Variants in UNC79 observed in about 807,000 individuals in gnomAD.
The protein encoded by UNC79 is protein unc-79 homolog.
In UNC79, 37 loss-of-function variants were observed where a neutral mutation model predicts 283.1. The ratio of observed to expected loss-of-function variants is 0.13; its 90% CI spans 0.10 to 0.17. The LOEUF (loss-of-function observed/expected upper bound fraction) is 0.17. UNC79 is among the 10% of genes least tolerant of loss of function. UNC79 has a pLI of 1.00. For missense variants in UNC79, 2,272 were observed against 3,211.1 expected, an observed-to-expected ratio of 0.71 and a Z score of 7.07; for synonymous variants, 1,107 against 1,200.2, an observed-to-expected ratio of 0.92 and a Z score of 1.61.
At chr14:93,689,484 TTTC>T (rs1432582761) in intron 44 of UNC79, 1 of 136,934 alleles carries the variant, frequency 7.3e-6, no homozygotes, top group East Asian at 2.3e-4. Flanking sequence ...AGAGAAGAAA[TTTC>T]TTTTTTTTTT....
intron 1 of UNC79, among the ~76,000 whole-genome samples, chr14:93,359,587 T>C (rs1235376452): frequency 6.6e-6 from 1 of 152,198 alleles, no homozygotes; most frequent in African/African-American, 2.4e-5. Context: ...ACAATTAGAA[T>C]AGTCTGACTC....
intron 26 of UNC79, among the ~76,000 whole-genome samples, chr14:93,607,097 G>A (rs566931373): frequency 6.6e-6 from 1 of 152,256 alleles, no homozygotes; most frequent in African/African-American, 2.4e-5. Flanking sequence ...ACTACAATTT[G>A]TATGATTAGA....
intron 14 of UNC79, among the ~76,000 whole-genome samples, chr14:93,549,912 C>G (rs2061785625): frequency 6.6e-6 from 1 of 152,228 alleles, no homozygotes; most frequent in African/African-American, 2.4e-5. Context: ...TGTAAGAAGA[C>G]AGCTTTAGGC....
At position 93,609,634 on chromosome 14, in the gene UNC79, A is replaced by C. The variant is rs376583815; in HGVS notation, c.3755-3163A>C. 4.5e-4 allele frequency among the ~76,000 whole-genome samples: 68 copies of C among 152,340 alleles called. No individual in the cohort carries two copies. In the East Asian group the frequency reaches 0.012, roughly 27 times the overall value. On this transcript the variant is annotated intron_variant, in intron 26 of 48. Coordinates refer to ENST00000555664, the Ensembl canonical transcript of UNC79. ...TCACAGACTAGAATTCAATACTATT[A>C]AGTGTTTTGTTTTCTTAGAGAAAAT...
intron 7 of UNC79, among the ~76,000 whole-genome samples, chr14:93,505,905 A>C (rs1448798501): frequency 6.6e-6 from 1 of 151,796 alleles, no homozygotes; most frequent in Non-Finnish European, 1.5e-5. Context: ...TTGCTGCGTA[A>C]AGTGGCAGAA....
In UNC79 at chr14:93,527,817, T is replaced by A. The variant is rs550655849; in HGVS notation, c.964-741T>A. ...GCAAAGTACAAAATGCAGTTAGTTA[T>A]CTAGATTTTTTGTTCATTTGATTTA... On this transcript the variant is annotated intron_variant, in intron 8 of 48. Coordinates refer to ENST00000555664, the Ensembl canonical transcript of UNC79. Among the ~76,000 whole-genome samples the A allele has an allele frequency of 2.6e-5, 4 of 152,306 alleles. No homozygotes were observed. In the South Asian group the frequency reaches 8.3e-4, roughly 32 times the overall value.
At chr14:93,619,487 A>AT (rs1222599533) in intron 29 of UNC79, among the ~76,000 whole-genome samples, 1 of 152,220 alleles carries the variant, frequency 6.6e-6, no homozygotes, top group Non-Finnish European at 1.5e-5. Flanking sequence ...TTCAAAGGAT[A>AT]TTTTTCCAAA....
chr14:93,662,347 GT>G (rs1487809261), intron 39 of UNC79, among the ~76,000 whole-genome samples: 2 of 152,178 alleles, frequency 1.3e-5, no homozygotes, highest in Non-Finnish European at 2.9e-5. Flanking sequence ...AGTAAGGAAG[GT>G]TTGTAAATGA....
At chr14:93,366,374 G>T (rs959819852) in intron 1 of UNC79, among the ~76,000 whole-genome samples, 1 of 152,124 alleles carries the variant, frequency 6.6e-6, no homozygotes, top group Non-Finnish European at 1.5e-5. Context: ...ATGGCTCTCA[G>T]GTTCTTAATG....
chr14:93,399,999 CTTTA>C (rs2055074761), intron 1 of UNC79, among the ~76,000 whole-genome samples: 2 of 152,120 alleles, frequency 1.3e-5, no homozygotes, highest in African/African-American at 4.8e-5. Context: ...GTTTTAGGGA[CTTTA>C]GAAGCAGAGT....
At chr14:93,447,599 C>T (rs935143044) in intron 1 of UNC79, among the ~76,000 whole-genome samples, 7 of 151,484 alleles carry the variant, frequency 4.6e-5, no homozygotes, top group Admixed American at 4.6e-4. Flanking sequence ...TCTGAGGACT[C>T]AAGTTTCTAT....
intron 5 of UNC79, among the ~76,000 whole-genome samples, chr14:93,489,261 A>G (rs768590522): frequency 6.6e-6 from 1 of 152,216 alleles, no homozygotes; most frequent in Non-Finnish European, 1.5e-5. Context: ...GAGAGGACAC[A>G]AGCATTTAGT....
intron 40 of UNC79, among the ~76,000 whole-genome samples, chr14:93,664,660 G>A (rs779989986): frequency 5.3e-5 from 8 of 152,296 alleles, no homozygotes; most frequent in Non-Finnish European, 8.8e-5. Context: ...GGAACTGGGA[G>A]AAAGATTTAT....
At chr14:93,407,089 G>A (rs1411407618) in intron 1 of UNC79, among the ~76,000 whole-genome samples, 2 of 152,078 alleles carry the variant, frequency 1.3e-5, no homozygotes, top group Admixed American at 1.3e-4. Flanking sequence ...TCCTGTGTGT[G>A]TCTCTGCATC....
At chr14:93,485,713 A>G (rs2058383013) in intron 4 of UNC79, among the ~76,000 whole-genome samples, 1 of 152,200 alleles carries the variant, frequency 6.6e-6, no homozygotes, top group Non-Finnish European at 1.5e-5. Flanking sequence ...ATTTATTAAT[A>G]AGTTGTGGAG....
intron 29 of UNC79, among the ~76,000 whole-genome samples, chr14:93,618,888 T>C (rs2066923462): frequency 6.6e-6 from 1 of 152,214 alleles, no homozygotes; most frequent in East Asian, 1.9e-4. Context: ...TATTGCTACC[T>C]TTTTCTAAAA....
rs1412604687 is a variant in UNC79 at position 93,373,952 on chromosome 14, A to G, written c.-351+40429A>G. 8.5e-5 allele frequency among the ~76,000 whole-genome samples: 13 copies of G among 152,348 alleles called. No individual in the cohort carries two copies. In the East Asian group the frequency reaches 2.5e-3, roughly 29 times the overall value. Reference sequence around the variant, plus strand: ...TCCCAGGTATGCCTTAGTTGCATCCACATGGTGCTAATTCTGCAGGCTTGA... The same window carrying G: ...TCCCAGGTATGCCTTAGTTGCATCCGCATGGTGCTAATTCTGCAGGCTTGA... On this transcript the variant is annotated intron_variant, in intron 1 of 49. Coordinates refer to the UNC79 transcript ENST00000256339.
intron 27 of UNC79, among the ~76,000 whole-genome samples, chr14:93,615,245 T>C (rs1208745668): frequency 6.6e-6 from 1 of 152,126 alleles, no homozygotes; most frequent in African/African-American, 2.4e-5. Flanking sequence ...CTCAAATAGA[T>C]TGTAACATAA....
chr14:93,662,793 C>A (rs2071738705), intron 40 of UNC79, 79 bp downstream of exon 43: 1 of 1,094,066 alleles, frequency 9.1e-7, no homozygotes, highest in East Asian at 2.6e-5. Flanking sequence ...GTGTCAAGTC[C>A]CTTTTAGCTC....
Sources: gnomAD v4.1 joint callset for allele counts (sites outside exome capture counted in the v4.1 genomes callset) on GRCh38, gnomAD v4.1.1 for gene constraint, MANE v1.5 for transcripts, NCBI Gene and HGNC (gene_info 2026-07-23, HGNC 2026-07-21) for gene names.